SH3D19: variants seen among roughly 807,000 people sequenced by gnomAD.
The protein encoded by SH3D19 is SH3 domain-containing protein 19.
SH3D19 carries 58 observed loss-of-function variants against 112.1 expected under a neutral mutation model. That is an observed-to-expected ratio of 0.52 (90% CI 0.42 to 0.64). The LOEUF (loss-of-function observed/expected upper bound fraction) is 0.64. Ranked by LOEUF, SH3D19 falls within the 30% of genes least tolerant of loss-of-function variation. The pLI is 0.00. For synonymous variants in SH3D19, 391 were observed against 448.5 expected (o/e 0.87, Z 1.62); for missense variants, 1,090 against 1,263.4 (o/e 0.86, Z 2.08).
chr4:151,198,698 C>T lies in SH3D19; in HGVS notation c.153-11235G>A, dbSNP rs187575251. Among the ~76,000 whole-genome samples the T allele has an allele frequency of 2.5e-4, 38 of 151,550 alleles. No homozygotes were observed. In the East Asian group the frequency reaches 6.2e-3, roughly 25 times the overall value. On this transcript the variant is annotated intron_variant, in intron 2 of 19. Coordinates refer to ENST00000604030, the MANE Select transcript of SH3D19 (RefSeq NM_001378122.1). ...AATGAAGCAACAAATATATACATAA[C>T]GGCAAAACAATGTAAATTCATAAAA... is the stretch of plus-strand genomic sequence containing the variant.
chr4:151,282,443 C>T (rs2150009325), intron 1 of SH3D19: 1 of 1,609,970 alleles, frequency 6.2e-7, no homozygotes, highest in Non-Finnish European at 8.5e-7. Flanking sequence ...AGGGTTGTTT[C>T]ATATGTCATC....
chr4:151,155,060 A>C (rs1314579542), intron 9 of SH3D19, among the ~76,000 whole-genome samples: 1 of 151,982 alleles, frequency 6.6e-6, no homozygotes, highest in Non-Finnish European at 1.5e-5. Context: ...GCACCCCAAT[A>C]CTATTTCAAT....
intron 2 of SH3D19, among the ~76,000 whole-genome samples, chr4:151,204,894 C>T (rs897089700): frequency 6.7e-6 from 1 of 149,764 alleles, no homozygotes; most frequent in African/African-American, 2.5e-5. Flanking sequence ...GATCTCGGCT[C>T]ACTGCAACCT....
chr4:151,164,762 T>C (rs76755719), intron 8 of SH3D19, among the ~76,000 whole-genome samples: 10,433 of 152,156 alleles, frequency 0.069, 612 homozygotes, highest in East Asian at 0.19. Flanking sequence ...GTATTTTTAG[T>C]AGAGACAGAG....
Position 151,215,090 on chromosome 4 carries a change from G to A in SH3D19, c.152+10957C>T, listed in dbSNP as rs1413110970. ...AGACGATGGGCGGCCGGGCAGAGAC[G>A]CTCCTCACTTCCTAGCTAACTTTTA... is the stretch of plus-strand genomic sequence containing the variant. On this transcript the variant is annotated intron_variant, in intron 2 of 19. Transcript: ENST00000604030. Among the ~76,000 whole-genome samples the A allele has an allele frequency of 2.6e-5, 4 of 152,080 alleles. No homozygotes were observed. The South Asian group carries it at 6.2e-4, about 24-fold the overall frequency.
At chr4:151,252,357 C>T (rs1771484146) in intron 1 of SH3D19, among the ~76,000 whole-genome samples, 1 of 152,188 alleles carries the variant, frequency 6.6e-6, no homozygotes, top group Admixed American at 6.5e-5. Flanking sequence ...TTCCATGATG[C>T]TAAATCTGAT....
intron 13 of SH3D19, 36 bp downstream of exon 13, chr4:151,139,739 C>CCT: frequency 6.3e-7 from 1 of 1,588,876 alleles, no homozygotes; most frequent in East Asian, 2.2e-5. Context: ...ACTCCTGGAT[C>CCT]CTGTGGTTCT....
intron 1 of SH3D19, among the ~76,000 whole-genome samples, chr4:151,275,091 G>GTT (rs11302117): frequency 2.6e-3 from 373 of 146,102 alleles, no homozygotes; most frequent in Admixed American, 3.5e-3. Flanking sequence ...TTCAAGATAC[G>GTT]TTTTTTTTTT....
chr4:151,193,495 T>C (rs923295029), intron 2 of SH3D19, among the ~76,000 whole-genome samples: 13 of 152,192 alleles, frequency 8.5e-5, no homozygotes, highest in African/African-American at 2.9e-4. Context: ...ATACACTTTC[T>C]TTAGAACCTG....
chr4:151,208,547 T>G (rs1765448931), intron 2 of SH3D19, among the ~76,000 whole-genome samples: 1 of 151,986 alleles, frequency 6.6e-6, no homozygotes, highest in African/African-American at 2.4e-5. Flanking sequence ...GTTTTTTGTA[T>G]TTAGTAGAAA....
At chr4:151,147,195 T>C (rs1444487143) in intron 11 of SH3D19, among the ~76,000 whole-genome samples, 3 of 152,196 alleles carry the variant, frequency 2.0e-5, no homozygotes, top group Admixed American at 2.0e-4. Flanking sequence ...TGCAGTACAC[T>C]ATGATTGCAG....
At chr4:151,196,232 G>A (rs1424373634) in intron 2 of SH3D19, among the ~76,000 whole-genome samples, 4 of 152,100 alleles carry the variant, frequency 2.6e-5, no homozygotes, top group Admixed American at 2.6e-4. Context: ...AAACAAATCT[G>A]GGCAACATAG....
chr4:151,165,187 C>A (rs779492697), intron 8 of SH3D19, among the ~76,000 whole-genome samples: 32 of 152,192 alleles, frequency 2.1e-4, no homozygotes, highest in Non-Finnish European at 3.7e-4. Flanking sequence ...ACTAAAAATA[C>A]AAAAATTAGC....
chr4:151,241,135 T>A lies in SH3D19; in HGVS notation c.113-15049A>T, dbSNP rs963892653. Among the ~76,000 whole-genome samples the A allele has an allele frequency of 3.0e-5, 4 of 134,614 alleles. No individual in the cohort carries two copies. The South Asian group carries it at 7.1e-4, about 24-fold the overall frequency. The allele number at this position is 134,614 out of a possible 152,430, so 88.3% of individuals were successfully genotyped here. A position where few individuals can be genotyped will look rare whatever the true frequency, so the allele number is the denominator to read the frequency against. On this transcript the variant is annotated intron_variant, in intron 1 of 19. Coordinates refer to ENST00000604030, the MANE Select transcript of SH3D19 (RefSeq NM_001378122.1). ...CGTGATCTCTACAAAAAAAAAAAAA[T>A]TAAAAAACTAGCCAGCCGTGGTGGC...
In SH3D19 at chr4:151,260,435, C is replaced by T. The variant is rs548917046; in HGVS notation, c.113-34349G>A. Among the ~76,000 whole-genome samples, 209 of 152,282 alleles carry T rather than the reference C, an allele frequency of 1.4e-3. 1 individual carries two copies. The highest frequency in any genetic ancestry group is 4.7e-3 in the African/African-American group (195 of 41,558). On this transcript the variant is annotated intron_variant, in intron 1 of 19. Coordinates refer to ENST00000604030, the MANE Select transcript of SH3D19 (RefSeq NM_001378122.1). ...TTTCATTCACCAATGTAACCAGTTACTCAAGACAAATATTGTATCTCACTT... is the reference window on the plus strand; with the variant it reads ...TTTCATTCACCAATGTAACCAGTTATTCAAGACAAATATTGTATCTCACTT...
At chr4:151,252,398 C>T (rs1476155100) in intron 1 of SH3D19, among the ~76,000 whole-genome samples, 1 of 144,410 alleles carries the variant, frequency 6.9e-6, no homozygotes, top group African/African-American at 2.5e-5. Context: ...CAGCATTTGG[C>T]AGCCTATCAC....
Position 151,246,927 on chromosome 4 carries a change from C to A in SH3D19, c.113-20841G>T, listed in dbSNP as rs113845923. On this transcript the variant is annotated intron_variant, in intron 1 of 19. Coordinates refer to ENST00000604030, the MANE Select transcript of SH3D19 (RefSeq NM_001378122.1). ...AACCTGCAGTTAATACTGAATGGCACAAGATTTACATAGGATTGATCCATG... is the reference window on the plus strand; with the variant it reads ...AACCTGCAGTTAATACTGAATGGCAAAAGATTTACATAGGATTGATCCATG... 7.8e-3 allele frequency among the ~76,000 whole-genome samples: 1,190 copies of A among 152,290 alleles called. 16 individuals are homozygous for A. Among genetic ancestry groups the A allele is most frequent in the African/African-American group, 0.027 (1,142 of 41,552 alleles).
intron 1 of SH3D19, among the ~76,000 whole-genome samples, chr4:151,235,982 C>T (rs1770002834): frequency 6.6e-6 from 1 of 152,210 alleles, no homozygotes; most frequent in African/African-American, 2.4e-5. Flanking sequence ...ATGAACTGAA[C>T]TCCAACTGCT....
intron 3 of SH3D19, among the ~76,000 whole-genome samples, 200 bp from the exon 4 acceptor site, chr4:151,179,597 G>T (rs1344832838): frequency 6.6e-6 from 1 of 152,118 alleles, no homozygotes; most frequent in Non-Finnish European, 1.5e-5. Context: ...ATTAGAGATT[G>T]CATAATACAT....
Sources: gnomAD v4.1 joint callset for allele counts (sites outside exome capture counted in the v4.1 genomes callset) on GRCh38, gnomAD v4.1.1 for gene constraint, MANE v1.5 for transcripts, NCBI Gene and HGNC (gene_info 2026-07-23, HGNC 2026-07-21) for gene names.